EIF2B3: variants seen among roughly 807,000 people sequenced by gnomAD.
EIF2B3 encodes the protein eukaryotic translation initiation factor 2B subunit gamma.
EIF2B3 carries 20 observed loss-of-function variants against 54.1 expected under a neutral mutation model. That is an observed-to-expected ratio of 0.37 (90% CI 0.26 to 0.54). The LOEUF (loss-of-function observed/expected upper bound fraction) is 0.54. Ranked by LOEUF, EIF2B3 falls within the 20% of genes least tolerant of loss-of-function variation. EIF2B3 has a pLI of 0.86. For missense variants in EIF2B3, 448 were observed against 547.8 expected (o/e 0.82, Z 1.82); for synonymous variants, 153 against 188.1 (o/e 0.81, Z 1.52).
In EIF2B3 at chr1:44,913,728, C is replaced by T. The variant is rs377267120; in HGVS notation, c.566+12900G>A. Among the ~76,000 whole-genome samples, 44 of 151,424 alleles carry T rather than the reference C, an allele frequency of 2.9e-4. 1 individual carries two copies. The highest frequency in any genetic ancestry group is 1.1e-3 in the African/African-American group (44 of 41,218). On this transcript the variant is annotated intron_variant, in intron 5 of 11. Coordinates refer to ENST00000360403, the MANE Select transcript of EIF2B3 (RefSeq NM_020365.5). ...TGTTGCCCAGGCTGGTCTCAAACTC[C>T]TGGCCTCAAGTGATCCTCTTGCCTC...
intron 6 of EIF2B3, among the ~76,000 whole-genome samples, chr1:44,895,847 T>G (rs997565671): frequency 2.6e-5 from 4 of 152,232 alleles, no homozygotes; most frequent in Non-Finnish European, 5.9e-5. Context: ...AATCATTTTT[T>G]AAAAAGTCAT....
At chr1:44,877,192 T>TAAAACAAAAAAAAAAAAAA (rs1655197772) in intron 8 of EIF2B3, among the ~76,000 whole-genome samples, 1 of 52,056 alleles carries the variant, frequency 1.9e-5, no homozygotes, top group African/African-American at 8.9e-5. Context: ...GAATGATCAA[T>TAAAACAAAAAAAAAAAAAA]AAAAAAAAAA....
At chr1:44,960,890 C>T (rs908695815) in intron 3 of EIF2B3, among the ~76,000 whole-genome samples, 2 of 151,240 alleles carry the variant, frequency 1.3e-5, no homozygotes, top group African/African-American at 4.9e-5. Context: ...TCTTTCCTTA[C>T]CTTTTTGTCA....
At chr1:44,949,967 T>G (rs1054249108) in intron 3 of EIF2B3, among the ~76,000 whole-genome samples, 8 of 152,178 alleles carry the variant, frequency 5.3e-5, no homozygotes, top group African/African-American at 1.7e-4. Flanking sequence ...GCCTGTCACG[T>G]CTCTTCTAGG....
intron 8 of EIF2B3, among the ~76,000 whole-genome samples, chr1:44,877,054 G>A (rs532172741): frequency 1.5e-3 from 227 of 150,726 alleles, no homozygotes; most frequent in Non-Finnish European, 2.5e-3. Flanking sequence ...GGACACAAAC[G>A]CTGCGGAAGG....
At chr1:44,908,824 C>T (rs574508929) in intron 5 of EIF2B3, among the ~76,000 whole-genome samples, 2 of 152,078 alleles carry the variant, frequency 1.3e-5, no homozygotes, top group Non-Finnish European at 2.9e-5. Flanking sequence ...TGGCCCCAAA[C>T]TTCTTCTAAT....
intron 5 of EIF2B3, among the ~76,000 whole-genome samples, chr1:44,911,824 A>G (rs1557681928): frequency 6.6e-6 from 1 of 151,304 alleles, no homozygotes; most frequent in Non-Finnish European, 1.5e-5. Flanking sequence ...GTCATCTAGC[A>G]TTAGGTATAT....
intron 7 of EIF2B3, among the ~76,000 whole-genome samples, chr1:44,880,793 T>G (rs1253962684): frequency 1.3e-5 from 2 of 151,980 alleles, no homozygotes; most frequent in Non-Finnish European, 2.9e-5. Flanking sequence ...AAACCCCGTC[T>G]CTACTAAAAA....
chr1:44,881,568 G>A lies in EIF2B3; in HGVS notation c.784+44C>T. ...CTGCCCAACCACTCTTTCCAAAGGTGCTGCTACCCTTGCCCCTCTTACTGA... is the reference window on the plus strand; with the variant it reads ...CTGCCCAACCACTCTTTCCAAAGGTACTGCTACCCTTGCCCCTCTTACTGA... On this transcript the variant is annotated intron_variant, in intron 7 of 11. Transcript: ENST00000360403. This position sits in a 1 kb window ranked among gnomAD's most constrained non-coding sequence, Gnocchi z 4.0. The A allele has an allele frequency of 6.2e-7, 1 of 1,611,430 alleles. No individual in the cohort carries two copies. Among genetic ancestry groups the A allele is most frequent in the Non-Finnish European group, 8.5e-7 (1 of 1,178,492 alleles).
intron 8 of EIF2B3, among the ~76,000 whole-genome samples, chr1:44,879,075 C>T (rs1655296709): frequency 2.0e-5 from 3 of 152,082 alleles, no homozygotes; most frequent in Admixed American, 2.0e-4. Flanking sequence ...TTCTTATTCT[C>T]ATCTAAACCC....
chr1:44,977,797 G>A (rs912437268), intron 3 of EIF2B3, among the ~76,000 whole-genome samples: 10 of 152,050 alleles, frequency 6.6e-5, no homozygotes, highest in Non-Finnish European at 4.4e-5. Context: ...ATAAAAATGT[G>A]CTATTACTCA....
intron 3 of EIF2B3, among the ~76,000 whole-genome samples, chr1:44,957,879 C>A (rs1035505854): frequency 6.6e-5 from 10 of 152,182 alleles, no homozygotes; most frequent in African/African-American, 2.4e-4. Flanking sequence ...GCTAGGAATG[C>A]TAACTAGTAC....
chr1:44,928,875 G>A (rs916981970), intron 4 of EIF2B3, among the ~76,000 whole-genome samples: 2 of 152,112 alleles, frequency 1.3e-5, no homozygotes, highest in Non-Finnish European at 2.9e-5. Flanking sequence ...TTTTCTCATA[G>A]TGACAAAATA....
At chr1:44,861,558 G>A (rs12733586) in intron 10 of EIF2B3, among the ~76,000 whole-genome samples, 27,485 of 152,074 alleles carry the variant, frequency 0.18, 2,738 homozygotes, top group Admixed American at 0.28. Flanking sequence ...TTTCTGGAAG[G>A]AAGAGACAAG....
intron 3 of EIF2B3, among the ~76,000 whole-genome samples, chr1:44,963,026 G>C (rs759128576): frequency 1.3e-5 from 2 of 151,816 alleles, no homozygotes; most frequent in African/African-American, 4.8e-5. Context: ...CCAGGAGTTC[G>C]AGCCTGGGCA....
chr1:44,915,880 C>T (rs1643614103), intron 5 of EIF2B3, among the ~76,000 whole-genome samples: 1 of 152,030 alleles, frequency 6.6e-6, no homozygotes, highest in Admixed American at 6.6e-5. Context: ...ATTAAAGATA[C>T]TATTTCTTAG....
At chr1:44,913,273 C>T (rs184410212) in intron 5 of EIF2B3, among the ~76,000 whole-genome samples, 20 of 152,108 alleles carry the variant, frequency 1.3e-4, no homozygotes, top group Middle Eastern at 3.4e-3. Context: ...CTGCTTCCTA[C>T]GTTTTTATTT....
chr1:44,857,682 C>A, intron 11 of EIF2B3, 22 bp downstream of exon 11: 1 of 1,611,088 alleles, frequency 6.2e-7, no homozygotes, highest in Non-Finnish European at 8.5e-7. Flanking sequence ...AAAATGGAAT[C>A]TGTGATTGTA....
intron 3 of EIF2B3, among the ~76,000 whole-genome samples, chr1:44,953,441 G>T (rs1644190260): frequency 6.6e-6 from 1 of 152,022 alleles, no homozygotes; most frequent in Non-Finnish European, 1.5e-5. Flanking sequence ...TCCAGCAAGG[G>T]TTTAAGTCAT....
Sources: gnomAD v4.1 joint callset for allele counts (sites outside exome capture counted in the v4.1 genomes callset) on GRCh38, gnomAD v4.1.1 for gene constraint, Gnocchi (gnomAD v3.1) non-coding constraint, MANE v1.5 for transcripts, NCBI Gene and HGNC (gene_info 2026-07-23, HGNC 2026-07-21) for gene names.